Variants in TM2D1 observed in about 807,000 individuals in gnomAD.
The protein encoded by TM2D1 is TM2 domain containing 1.
TM2D1 carries 15 observed loss-of-function variants against 28.4 expected under a neutral mutation model. The observed-to-expected ratio is 0.53, with a 90% CI of 0.35 to 0.81. The LOEUF is 0.81. TM2D1 is among the 40% of genes least tolerant of loss of function. The pLI is 0.01. For missense variants in TM2D1, 236 were observed against 254.9 expected, an observed-to-expected ratio of 0.93 and a Z score of 0.50; for synonymous variants, 93 against 96.2, an observed-to-expected ratio of 0.97 and a Z score of 0.20.
At chr1:61,722,012 A>C (rs1389650482) in intron 2 of TM2D1, among the ~76,000 whole-genome samples, 2 of 151,506 alleles carry the variant, frequency 1.3e-5, no homozygotes, top group Non-Finnish European at 2.9e-5. Context: ...TCATGCCTGT[A>C]AACCCAGCAC....
intron 2 of TM2D1, among the ~76,000 whole-genome samples, chr1:61,720,243 T>G (rs1644553706): frequency 6.7e-6 from 1 of 150,308 alleles, no homozygotes; most frequent in Non-Finnish European, 1.5e-5. Flanking sequence ...GGACACTTCT[T>G]TTTTTTTTTC....
rs887438096 is a variant in TM2D1, at chr1:61,713,834, T to G, written c.239-4397A>C. Among the ~76,000 whole-genome samples the G allele has an allele frequency of 8.5e-5, 13 of 152,226 alleles. No individual in the cohort carries two copies. The East Asian group carries it at 1.7e-3, about 20-fold the overall frequency. On this transcript the variant is annotated intron_variant, in intron 2 of 6. Coordinates refer to ENST00000606498, the MANE Select transcript of TM2D1 (RefSeq NM_032027.3). ...ACCTTGCCTAACAGAAATGCACTGT[T>G]TTTTTGAGATGACAGGTTTCTGTAC... is the stretch of plus-strand genomic sequence containing the variant.
intron 3 of TM2D1, among the ~76,000 whole-genome samples, chr1:61,701,998 T>C (rs1216220814): frequency 6.6e-6 from 1 of 152,072 alleles, no homozygotes; most frequent in Non-Finnish European, 1.5e-5. Flanking sequence ...GAGAACAGCC[T>C]GGCCAACAGA....
intron 3 of TM2D1, among the ~76,000 whole-genome samples, chr1:61,707,571 C>G (rs991345465): frequency 1.3e-5 from 2 of 151,962 alleles, no homozygotes; most frequent in Admixed American, 1.3e-4. Context: ...AAACTTACCC[C>G]TGTAATGGAA....
intron 2 of TM2D1, among the ~76,000 whole-genome samples, chr1:61,719,052 A>G (rs1243838698): frequency 1.3e-5 from 2 of 152,130 alleles, no homozygotes; most frequent in Non-Finnish European, 2.9e-5. Flanking sequence ...TTCTATTTTC[A>G]TTTTTTTGTT....
intron 5 of TM2D1, among the ~76,000 whole-genome samples, chr1:61,690,299 A>T (rs1190898509): frequency 6.6e-6 from 1 of 152,054 alleles, no homozygotes; most frequent in African/African-American, 2.4e-5. Context: ...TCTACTAAAA[A>T]TACAAAAATT....
intron 5 of TM2D1, among the ~76,000 whole-genome samples, chr1:61,686,067 A>G (rs1242407717): frequency 6.6e-6 from 1 of 152,174 alleles, no homozygotes. Flanking sequence ...AAAACTTGGA[A>G]GAGAAAGCTG....
chr1:61,682,714 G>A (rs1038785654), intron 6 of TM2D1, among the ~76,000 whole-genome samples: 1 of 151,892 alleles, frequency 6.6e-6, no homozygotes, highest in African/African-American at 2.4e-5. Context: ...GACTAAAATG[G>A]CGAAACCCCA....
rs770675086 is a variant in TM2D1, at chr1:61,725,018, C to T, written c.103G>A (p.Ala35Thr). Residue 35 changes from alanine (A) to threonine (T), a missense_variant, in exon 1 of 7, where the codon GCT becomes ACT. Around this residue, in one of 3 missense-constraint regions of TM2D1, gnomAD observed 167 missense variants for 162.7 expected, o/e 1.03. Coordinates refer to ENST00000606498, the MANE Select transcript of TM2D1 (RefSeq NM_032027.3). ...FVSVTTGPWG[A>T]VATSAGGEES... ...TCGCCCCCGGCGGAGGTGGCAACAGCCCCCCAGGGTCCTGTAGTGACTGAG... is the reference window on the plus strand; with the variant it reads ...TCGCCCCCGGCGGAGGTGGCAACAGTCCCCCAGGGTCCTGTAGTGACTGAG... The T allele has an allele frequency of 6.2e-7, 1 of 1,611,508 alleles. No individual in the cohort carries two copies.
chr1:61,704,391 T>G (rs1644426018), intron 3 of TM2D1, among the ~76,000 whole-genome samples: 1 of 152,104 alleles, frequency 6.6e-6, no homozygotes, highest in Non-Finnish European at 1.5e-5. Context: ...TGTTTTACAC[T>G]ATAAGCCAAA....
intron 6 of TM2D1, 49 bp from the exon 7 acceptor site, chr1:61,681,399 C>A (rs1644242727): frequency 6.6e-6 from 1 of 152,130 alleles, no homozygotes; most frequent in African/African-American, 2.4e-5. Context: ...TTTTAAGAGT[C>A]CAATGAGGTT....
At chr1:61,716,373 T>TTATATAATTTTATATATAATTACA (rs1644519724) in intron 2 of TM2D1, among the ~76,000 whole-genome samples, 4 of 145,868 alleles carry the variant, frequency 2.7e-5, no homozygotes, top group East Asian at 3.9e-4. Flanking sequence ...TTATATATAA[T>TTATATAATTTTATATATAATTACA]TATATAATTT....
At chr1:61,708,862 A>G (rs1235815682) in intron 3 of TM2D1, among the ~76,000 whole-genome samples, 1 of 152,108 alleles carries the variant, frequency 6.6e-6, no homozygotes, top group Non-Finnish European at 1.5e-5. Flanking sequence ...ATTTATAAAA[A>G]AAAAAAAAAA....
intron 2 of TM2D1, among the ~76,000 whole-genome samples, chr1:61,716,052 G>T (rs984610453): frequency 6.6e-6 from 1 of 151,454 alleles, no homozygotes; most frequent in Non-Finnish European, 1.5e-5. Context: ...TGATCCACCC[G>T]CCTCGGCCTC....
chr1:61,700,352 T>C, intron 4 of TM2D1: 1 of 1,332,122 alleles, frequency 7.5e-7, no homozygotes, highest in South Asian at 2.3e-5. Context: ...GTGAAAGTAC[T>C]GTTTAAACAA....
intron 3 of TM2D1, among the ~76,000 whole-genome samples, chr1:61,701,582 TGTG>T (rs1644402437): frequency 1.3e-5 from 2 of 151,838 alleles, no homozygotes; most frequent in Admixed American, 6.6e-5. Flanking sequence ...TGTGTGTGTG[TGTG>T]TGTGTATTTT....
At chr1:61,717,413 A>G (rs1212610853) in intron 2 of TM2D1, among the ~76,000 whole-genome samples, 2 of 152,106 alleles carry the variant, frequency 1.3e-5, no homozygotes, top group African/African-American at 2.4e-5. Flanking sequence ...TACCTAGTAG[A>G]CAAAATTAAG....
intron 6 of TM2D1, 92 bp downstream of exon 6, chr1:61,683,325 T>A: frequency 2.3e-6 from 1 of 432,538 alleles, no homozygotes; most frequent in South Asian, 7.5e-5. Context: ...TTTATACGGT[T>A]TCTTAAAATT....
chr1:61,691,932 A>AAAATATATATATATATATAT, intron 5 of TM2D1, among the ~76,000 whole-genome samples: 14 of 76,386 alleles, frequency 1.8e-4, no homozygotes, highest in Non-Finnish European at 2.6e-4. Flanking sequence ...AAAAAAAAAA[A>AAAATATATATATATATATAT]ATATATATAT....
Sources: allele counts gnomAD v4.1 joint callset (sites outside exome capture counted in the v4.1 genomes callset), GRCh38; gene constraint gnomAD v4.1.1; regional missense constraint gnomAD v4.1.1; transcripts MANE v1.5; gene names NCBI Gene and HGNC (gene_info 2026-07-23, HGNC 2026-07-21).